The following FLNB variants were observed in gnomAD, a reference collection of about 807,000 sequenced individuals.
The protein encoded by FLNB is filamin B.
FLNB carries 111 observed loss-of-function variants against 250.6 expected under a neutral mutation model. That is an observed-to-expected ratio of 0.44 (90% CI 0.38 to 0.52). The LOEUF is 0.52. Among genes scored for constraint, FLNB ranks in the 20% least tolerant of loss-of-function variants. The probability of loss-of-function intolerance (pLI) is 0.00; values close to 1 mark genes in which losing one functional copy is unlikely to be tolerated. For missense variants in FLNB, 2,869 were observed against 3,447.8 expected (o/e 0.83, Z 4.20); for synonymous variants, 1,302 against 1,372.1 (o/e 0.95, Z 1.13).
chr3:58,081,160 T>C (rs1291658042), intron 3 of FLNB, among the ~76,000 whole-genome samples: 1 of 152,170 alleles, frequency 6.6e-6, no homozygotes, highest in Middle Eastern at 3.2e-3. Flanking sequence ...TGTTATTTCT[T>C]TTTTATTTAC....
intron 43 of FLNB, chr3:58,165,928 A>C (rs1363213196): frequency 2.6e-5 from 4 of 152,148 alleles, no homozygotes; most frequent in Non-Finnish European, 5.9e-5. Context: ...GTGGTGTCAG[A>C]TACAGGTTAT....
rs561144010 is a variant in FLNB, at chr3:58,159,710, G to A, written c.7021+24G>A. ...AGGTGAGCAGGAGGCCTGCTGGGGG[G>A]TCCCAGCACCAGCACTTTCCAGCAG... On this transcript the variant is annotated intron_variant, in intron 42 of 45. Transcript: ENST00000295956. 8 of 1,610,238 alleles carry A rather than the reference G, an allele frequency of 5.0e-6. No homozygotes were observed. In the African/African-American group the frequency reaches 5.3e-5, roughly 11 times the overall value.
At chr3:58,083,112 C>G (rs570402765) in intron 4 of FLNB, among the ~76,000 whole-genome samples, 2 of 152,202 alleles carry the variant, frequency 1.3e-5, no homozygotes, top group South Asian at 2.1e-4. Context: ...TAGAATTTCT[C>G]TATTGTCCTA....
At chr3:58,075,621 C>A (rs557554374) in intron 1 of FLNB, among the ~76,000 whole-genome samples, 2 of 152,012 alleles carry the variant, frequency 1.3e-5, no homozygotes, top group Non-Finnish European at 2.9e-5. Flanking sequence ...CACAGAGGCA[C>A]CTGACGAGAA....
chr3:58,113,725 C>G (rs1482159926), intron 18 of FLNB, among the ~76,000 whole-genome samples: 1 of 152,226 alleles, frequency 6.6e-6, no homozygotes, highest in Non-Finnish European at 1.5e-5. Flanking sequence ...GTTGCCCAAG[C>G]TGGAGTGCAG....
intron 1 of FLNB, among the ~76,000 whole-genome samples, chr3:58,019,235 G>C (rs2097110267): frequency 6.6e-6 from 1 of 152,140 alleles, no homozygotes; most frequent in East Asian, 1.9e-4. Context: ...ACGATGGATG[G>C]CCAACCACTA....
At position 58,170,627 on chromosome 3, in the gene FLNB, G is replaced by C. The variant is rs1242883375; in HGVS notation, c.7674G>C (p.Glu2558Asp). The change falls in exon 46 of 46, where the codon GAG (glutamate) becomes GAC (aspartate). Residue 2558 changes from glutamate to aspartate, a missense_variant. Around this residue, in one of 5 missense-constraint regions of FLNB, gnomAD observed 1,084 missense variants for 1,315.5 expected, o/e 0.82. Transcript: ENST00000295956. The part of the protein sequence containing the change: ...GVHGPTTPCE[E>D]VSMKHVGNQQ... ...ATGGGCCCACCACCCCCTGCGAGGA[G>C]GTCTCCATGAAGCATGTAGGCAACC... 1 of 1,613,996 alleles carries C rather than the reference G, an allele frequency of 6.2e-7. No individual in the cohort carries two copies. The highest frequency in any genetic ancestry group is 8.5e-7 in the Non-Finnish European group (1 of 1,180,030).
At chr3:58,106,034 T>C (rs925320718) in intron 11 of FLNB, among the ~76,000 whole-genome samples, 5 of 152,192 alleles carry the variant, frequency 3.3e-5, no homozygotes, top group Admixed American at 6.5e-5. Context: ...ACAGAAAATA[T>C]CTTAGACAAG....
chr3:58,008,517 A>C lies in FLNB; in HGVS notation c.-48A>C. On this transcript the variant is annotated 5_prime_UTR_variant, in exon 1 of 46. Transcript: ENST00000295956. ...TCCTTCGGCCCTTGGGCCTCCAAAC[A>C]CCAGTCCCCGGCAGCTCGTTGCGCA... 1 of 1,552,022 alleles carries C rather than the reference A, an allele frequency of 6.4e-7. No individual in the cohort carries two copies. The highest frequency in any genetic ancestry group is 2.4e-5 in the East Asian group (1 of 41,048).
In FLNB at chr3:58,056,101, A is replaced by AT. The variant is rs1170400791; in HGVS notation, c.293-20942dup. On this transcript the variant is annotated intron_variant, in intron 1 of 45. Coordinates refer to ENST00000295956, the MANE Select transcript of FLNB (RefSeq NM_001457.4). ...TATTTATTTATTTATTTATTTATTT[A>AT]TTTATTTTTTTTTTTTTTGAGGTGG... Among the ~76,000 whole-genome samples, 853 of 131,052 alleles carry AT rather than the reference A, an allele frequency of 6.5e-3. 7 individuals are homozygous for AT. The highest frequency in any genetic ancestry group is 0.03 in the African/African-American group (736 of 24,928). 86.0% of individuals were successfully genotyped at this position (131,052 alleles called of 152,430 possible). A position where few individuals can be genotyped will look rare whatever the true frequency, so the allele number is the denominator to read the frequency against.
At chr3:58,063,546 A>G (rs943830322) in intron 1 of FLNB, among the ~76,000 whole-genome samples, 4 of 152,100 alleles carry the variant, frequency 2.6e-5, no homozygotes, top group Non-Finnish European at 5.9e-5. Context: ...AGTTCCCCCT[A>G]TCTGTCCTCT....
At chr3:58,031,306 G>A (rs1457104608) in intron 1 of FLNB, among the ~76,000 whole-genome samples, 2 of 151,938 alleles carry the variant, frequency 1.3e-5, no homozygotes, top group Non-Finnish European at 2.9e-5. Flanking sequence ...GCAGTGTTGC[G>A]ATCTCGGCTC....
At chr3:58,106,352 C>CTG (rs1458620421) in intron 11 of FLNB, among the ~76,000 whole-genome samples, 1 of 132,988 alleles carries the variant, frequency 7.5e-6, no homozygotes, top group Admixed American at 7.6e-5. Flanking sequence ...GTATTTAATA[C>CTG]TATATATATA....
At position 58,124,520 on chromosome 3, in the gene FLNB, C is replaced by T; in HGVS notation, c.3898+15C>T. Reference sequence around the variant, plus strand: ...CTTTGAGAAAGGTGAGCCGCCCTGTCCTCGGACTGGACCCTCGTTCAGAGC... The same window carrying T: ...CTTTGAGAAAGGTGAGCCGCCCTGTTCTCGGACTGGACCCTCGTTCAGAGC... On this transcript the variant is annotated intron_variant, in intron 22 of 45. Transcript: ENST00000295956. 6.2e-7 allele frequency: 1 copy of T among 1,613,968 alleles called. No homozygotes were observed. The highest frequency in any genetic ancestry group is 1.1e-5 in the South Asian group (1 of 91,068).
At chr3:58,103,618 A>G (rs960145661) in intron 9 of FLNB, among the ~76,000 whole-genome samples, 5 of 152,208 alleles carry the variant, frequency 3.3e-5, no homozygotes, top group East Asian at 1.9e-4. Context: ...AAGGGTAGCT[A>G]TGATTATTGG....
At chr3:58,159,363 C>T (rs1221834682) in intron 41 of FLNB, among the ~76,000 whole-genome samples, 191 bp from the exon 42 acceptor site, 1 of 152,144 alleles carries the variant, frequency 6.6e-6, no homozygotes, top group African/African-American at 2.4e-5. Context: ...GCATAAGAGA[C>T]CATGCAGATG....
At chr3:58,088,236 C>T (rs371361543) in intron 4 of FLNB, among the ~76,000 whole-genome samples, 6 of 151,596 alleles carry the variant, frequency 4.0e-5, no homozygotes, top group African/African-American at 9.7e-5. Context: ...TTAGTAGAGA[C>T]GGAGTTTCAC....
At chr3:58,101,840 T>C (rs1448389921) in intron 8 of FLNB, among the ~76,000 whole-genome samples, 1 of 152,248 alleles carries the variant, frequency 6.6e-6, no homozygotes, top group Non-Finnish European at 1.5e-5. Context: ...ATCCAATTAC[T>C]GAGCCCTTGA....
chr3:58,090,489 A>G (rs2097225001), intron 4 of FLNB, among the ~76,000 whole-genome samples: 1 of 152,226 alleles, frequency 6.6e-6, no homozygotes, highest in Non-Finnish European at 1.5e-5. Context: ...TCTGTGCTAT[A>G]TATGTTTCTA....
Sources: gnomAD v4.1 joint callset for allele counts (sites outside exome capture counted in the v4.1 genomes callset) on GRCh38, gnomAD v4.1.1 for gene constraint, gnomAD v4.1.1 regional missense constraint, MANE v1.5 for transcripts, NCBI Gene and HGNC (gene_info 2026-07-23, HGNC 2026-07-21) for gene names.